The following KCNIP4 variants were observed in gnomAD, a reference collection of about 807,000 sequenced individuals.
The protein encoded by KCNIP4 is Kv channel-interacting protein 4.
KCNIP4 carries 12 observed loss-of-function variants against 34.0 expected under a neutral mutation model. That is an observed-to-expected ratio of 0.35 (90% CI 0.23 to 0.57). KCNIP4 has a LOEUF of 0.57. Among genes scored for constraint, KCNIP4 ranks in the 20% least tolerant of loss-of-function variants. The pLI is 0.83. For missense variants in KCNIP4, 238 were observed against 311.7 expected, an observed-to-expected ratio of 0.76 and a Z score of 1.78; for synonymous variants, 124 against 102.2, an observed-to-expected ratio of 1.21 and a Z score of -1.29.
At chr4:21,262,328 C>G (rs183682182) in intron 1 of KCNIP4, among the ~76,000 whole-genome samples, 6 of 152,214 alleles carry the variant, frequency 3.9e-5, no homozygotes, top group African/African-American at 1.4e-4. Context: ...CATGAATATT[C>G]ACTCCCAACT....
At chr4:21,072,264 G>A (rs1168098819) in intron 1 of KCNIP4, among the ~76,000 whole-genome samples, 2 of 152,194 alleles carry the variant, frequency 1.3e-5, no homozygotes, top group South Asian at 2.1e-4. Context: ...CACCAACAGT[G>A]TAAAAGTGTT....
At chr4:20,936,867 C>A (rs904240119) in intron 1 of KCNIP4, among the ~76,000 whole-genome samples, 1 of 152,146 alleles carries the variant, frequency 6.6e-6, no homozygotes, top group Non-Finnish European at 1.5e-5. Flanking sequence ...AGACAGAGTG[C>A]AGGTTGCAAA....
At chr4:21,264,524 T>G (rs547711140) in intron 1 of KCNIP4, among the ~76,000 whole-genome samples, 1 of 152,274 alleles carries the variant, frequency 6.6e-6, no homozygotes, top group East Asian at 1.9e-4. Context: ...CTGTGTTATT[T>G]AATCTGTGCC....
chr4:21,562,517 C>A (rs1234844152), intron 1 of KCNIP4, among the ~76,000 whole-genome samples: 3 of 151,994 alleles, frequency 2.0e-5, no homozygotes, highest in Admixed American at 2.0e-4. Context: ...TGCTTAAATG[C>A]CTCCAACAAA....
chr4:21,430,422 G>A (rs1018494199), intron 1 of KCNIP4, among the ~76,000 whole-genome samples: 2 of 151,232 alleles, frequency 1.3e-5, no homozygotes, highest in African/African-American at 4.9e-5. Flanking sequence ...GTATGGGGGG[G>A]TGGGGTCATG....
intron 1 of KCNIP4, among the ~76,000 whole-genome samples, chr4:21,383,335 G>A (rs759673034): frequency 2.6e-5 from 4 of 151,446 alleles, no homozygotes; most frequent in Non-Finnish European, 4.4e-5. Flanking sequence ...AACAGTTTAC[G>A]ATCTGGTGGG....
intron 8 of KCNIP4, chr4:20,731,546 T>A: frequency 1.0e-5 from 10 of 985,430 alleles, no homozygotes; most frequent in Non-Finnish European, 1.2e-5. Flanking sequence ...AAGAGCCATT[T>A]CTTGTCCACA....
rs543179165 is a variant in KCNIP4 at position 21,171,770 on chromosome 4, ATG to A, written c.62-289063_62-289062del. Among the ~76,000 whole-genome samples the A allele has an allele frequency of 2.3e-3, 351 of 152,294 alleles. 1 individual carries two copies. Among genetic ancestry groups the A allele is most frequent in the African/African-American group, 7.7e-3 (321 of 41,566 alleles). On this transcript the variant is annotated intron_variant, in intron 1 of 8. Transcript: ENST00000382152. Reference sequence around the variant, plus strand: ...GCCCGGGAAGAATAAATGTAGTGACATGTGTGTGAGATCTTAGTAGAGCACAT... The same window carrying A: ...GCCCGGGAAGAATAAATGTAGTGACATGTGTGAGATCTTAGTAGAGCACAT...
rs781761085 is a variant in KCNIP4 at position 21,214,130 on chromosome 4, C to G, written c.62-331421G>C. On this transcript the variant is annotated intron_variant, in intron 1 of 8. Transcript: ENST00000382152. ...GAGAGAACATGGAAGCCATTTAGCA[C>G]TGTGTCTGGTCAGTAGTAAGTATTT... Among the ~76,000 whole-genome samples the G allele has an allele frequency of 3.3e-5, 5 of 152,194 alleles. No homozygotes were observed. The South Asian group carries it at 1.0e-3, about 32-fold the overall frequency.
intron 8 of KCNIP4, 174 bp downstream of exon 8, chr4:20,731,832 A>C: frequency 3.0e-6 from 3 of 985,316 alleles, no homozygotes; most frequent in Non-Finnish European, 3.6e-6. Flanking sequence ...CTAAATGTTG[A>C]TTATGTAATT....
intron 1 of KCNIP4, among the ~76,000 whole-genome samples, chr4:20,924,598 G>C (rs138806553): frequency 5.3e-5 from 8 of 152,078 alleles, no homozygotes; most frequent in African/African-American, 1.7e-4. Flanking sequence ...ATGACTTTGC[G>C]CCAGTTTCTA....
intron 3 of KCNIP4, among the ~76,000 whole-genome samples, chr4:20,783,519 C>T (rs944874477): frequency 5.9e-5 from 9 of 152,122 alleles, no homozygotes; most frequent in African/African-American, 2.2e-4. Context: ...AAGTAGAAAC[C>T]CCTGATAAAA....
In KCNIP4 at chr4:21,820,981, A is replaced by C. The variant is rs188162732; in HGVS notation, c.61+127590T>G. ...ACTATCAGGCATATTCATTTTTGGA[A>C]GATACTGAAACATATTTTCAGCTGT... On this transcript the variant is annotated intron_variant, in intron 1 of 8. Transcript: ENST00000382152. Among the ~76,000 whole-genome samples the C allele has an allele frequency of 3.3e-5, 5 of 152,254 alleles. No homozygotes were observed. The East Asian group carries it at 9.7e-4, about 30-fold the overall frequency.
chr4:21,908,525 T>C (rs778755335), intron 1 of KCNIP4, among the ~76,000 whole-genome samples: 2 of 152,166 alleles, frequency 1.3e-5, no homozygotes, highest in African/African-American at 2.4e-5. Context: ...TGTGGGATCA[T>C]GCTAGAGTGA....
At chr4:20,876,544 C>T (rs1270014832) in intron 2 of KCNIP4, among the ~76,000 whole-genome samples, 1 of 151,962 alleles carries the variant, frequency 6.6e-6, no homozygotes, top group Non-Finnish European at 1.5e-5. Context: ...TGTCAGCCTC[C>T]AAGATGCCAC....
chr4:21,603,749 T>C (rs1322645500), intron 1 of KCNIP4, among the ~76,000 whole-genome samples: 3 of 151,636 alleles, frequency 2.0e-5, no homozygotes, highest in South Asian at 4.1e-4. Context: ...TGACTAGCGA[T>C]GTGTCTTTCA....
Position 20,975,979 on chromosome 4 carries a change from A to G in KCNIP4, c.62-93270T>C, listed in dbSNP as rs867864342. The stretch of plus-strand genomic sequence containing the variant: ...TATTATCTACGGCTGCTTTTGTGCT[A>G]CAACAGAGTTGAGGAGTTGTGACAG... On this transcript the variant is annotated intron_variant, in intron 1 of 8. Transcript: ENST00000382152. Among the ~76,000 whole-genome samples, 4 of 152,216 alleles carry G rather than the reference A, an allele frequency of 2.6e-5. No individual in the cohort carries two copies. In the South Asian group the frequency reaches 6.2e-4, roughly 24 times the overall value.
At chr4:20,917,036 TATATATATATATATAA>T (rs1728914797) in intron 1 of KCNIP4, among the ~76,000 whole-genome samples, 1 of 104,906 alleles carries the variant, frequency 9.5e-6, no homozygotes, top group African/African-American at 3.8e-5. Flanking sequence ...TATATATATA[TATATATATATATATAA>T]AATTGAGATG....
chr4:21,248,232 C>A (rs1760438966), intron 1 of KCNIP4, among the ~76,000 whole-genome samples: 1 of 151,816 alleles, frequency 6.6e-6, no homozygotes, highest in Non-Finnish European at 1.5e-5. Flanking sequence ...TCCATGTCAC[C>A]AGATTTGATT....
Sources: gnomAD v4.1 joint callset for allele counts (sites outside exome capture counted in the v4.1 genomes callset) on GRCh38, gnomAD v4.1.1 for gene constraint, MANE v1.5 for transcripts, NCBI Gene and HGNC (gene_info 2026-07-23, HGNC 2026-07-21) for gene names.